The following FOXP1 variants were observed in gnomAD, a reference collection of about 807,000 sequenced individuals.
The protein encoded by FOXP1 is forkhead box P1, also known as forkhead box protein P1.
In FOXP1, 15 loss-of-function variants were observed where a neutral mutation model predicts 98.2. That is an observed-to-expected ratio of 0.15 (90% CI 0.10 to 0.24). FOXP1 has a LOEUF of 0.24. FOXP1 is among the 10% of genes least tolerant of loss of function. The probability of loss-of-function intolerance (pLI) is 1.00; values close to 1 mark genes in which losing one functional copy is unlikely to be tolerated. For missense variants in FOXP1, 633 were observed against 848.5 expected, an observed-to-expected ratio of 0.75 and a Z score of 3.15; for synonymous variants, 371 against 314.5, an observed-to-expected ratio of 1.18 and a Z score of -1.90.
At chr3:71,530,170 C>T (rs927495893) in intron 2 of FOXP1, among the ~76,000 whole-genome samples, 1 of 152,128 alleles carries the variant, frequency 6.6e-6, no homozygotes, top group Admixed American at 6.5e-5. Context: ...ATCTTAATCC[C>T]CAGTGCAACA....
At chr3:71,580,842 G>A (rs540889601) in intron 2 of FOXP1, 2 of 985,328 alleles carry the variant, frequency 2.0e-6, no homozygotes, top group East Asian at 2.3e-4. Flanking sequence ...TAGACGGTTT[G>A]AATGTACAGA....
intron 3 of FOXP1, among the ~76,000 whole-genome samples, chr3:71,430,194 G>A (rs1577457170): frequency 1.3e-5 from 2 of 152,178 alleles, no homozygotes; most frequent in African/African-American, 2.4e-5. Flanking sequence ...CCCATACCAC[G>A]GAAAGCCTGA....
chr3:71,074,123 T>G (rs1240414503), intron 7 of FOXP1, among the ~76,000 whole-genome samples: 1 of 152,214 alleles, frequency 6.6e-6, no homozygotes, highest in South Asian at 2.1e-4. Flanking sequence ...TGTGATGCAT[T>G]TGGCATTTCC....
At chr3:71,125,896 G>C (rs747332887) in intron 6 of FOXP1, among the ~76,000 whole-genome samples, 5 of 152,202 alleles carry the variant, frequency 3.3e-5, no homozygotes, top group Non-Finnish European at 7.3e-5. Flanking sequence ...TTCGCTAGCT[G>C]TGTGACCTGA....
Position 70,970,771 on chromosome 3 carries a change from G to T in FOXP1, c.1687C>A (p.His563Asn). The stretch of plus-strand genomic sequence containing the variant: ...GCATTGAGAGGTGTGCAGTAGGCGT[G>T]GCTGCTCTGCATGTTTTTAATAAGG... ...PSLIKNMQSSHAYCTPLNAAL... is the reference protein window; with the variant it reads ...PSLIKNMQSSNAYCTPLNAAL... Residue 563 changes from histidine to asparagine, a missense_variant, in exon 19 of 21, where the codon CAC becomes AAC. By Grantham distance (68) the His-to-Asn change is moderately conservative. This residue lies in a region of FOXP1 where 150 missense variants were observed against 163.7 expected (regional missense o/e 0.92). Transcript: ENST00000649528. 1 of 1,613,962 alleles carries T rather than the reference G, an allele frequency of 6.2e-7. No homozygotes were observed. The highest frequency in any genetic ancestry group is 8.5e-7 in the Non-Finnish European group (1 of 1,179,860).
intron 7 of FOXP1, among the ~76,000 whole-genome samples, chr3:71,112,110 T>C (rs1156977449): frequency 3.7e-4 from 1 of 2,728 alleles, no homozygotes; most frequent in Non-Finnish European, 5.9e-4. Context: ...TGTCTCCTGG[T>C]GGTGGGTGGG....
intron 7 of FOXP1, among the ~76,000 whole-genome samples, chr3:71,070,520 G>A (rs893586017): frequency 6.6e-6 from 1 of 152,186 alleles, no homozygotes; most frequent in Non-Finnish European, 1.5e-5. Flanking sequence ...AAAAACGGAA[G>A]AGAAAAAGCA....
intron 5 of FOXP1, among the ~76,000 whole-genome samples, chr3:71,246,673 A>G (rs2067771739): frequency 6.6e-6 from 1 of 152,234 alleles, no homozygotes; most frequent in Non-Finnish European, 1.5e-5. Flanking sequence ...CAAAAACTAA[A>G]GTTGAGCTAA....
At chr3:71,212,660 A>G (rs2064575526) in intron 5 of FOXP1, among the ~76,000 whole-genome samples, 1 of 152,196 alleles carries the variant, frequency 6.6e-6, no homozygotes, top group Admixed American at 6.5e-5. Context: ...TAACTACTAT[A>G]AGAACTATAA....
In FOXP1 at chr3:71,394,734, C is replaced by T. The variant is rs752665337; in HGVS notation, c.-167-35490G>A. Among the ~76,000 whole-genome samples the T allele has an allele frequency of 4.6e-5, 7 of 152,228 alleles. No homozygotes were observed. The East Asian group carries it at 1.2e-3, about 25-fold the overall frequency. On this transcript the variant is annotated intron_variant, in intron 3 of 20. Transcript: ENST00000649528. ...ACTCTGGAAAAACTAAATGGCTCGT[C>T]CCAAAACTGCTGGGATTTGTTTGGG...
intron 5 of FOXP1, among the ~76,000 whole-genome samples, chr3:71,241,502 A>G (rs1403149978): frequency 6.6e-6 from 1 of 152,186 alleles, no homozygotes; most frequent in Non-Finnish European, 1.5e-5. Flanking sequence ...TTAAAGGAAC[A>G]CTCAGCAAGA....
intron 3 of FOXP1, among the ~76,000 whole-genome samples, chr3:71,439,750 C>T (rs1024020831): frequency 1.3e-5 from 2 of 152,096 alleles, no homozygotes; most frequent in Non-Finnish European, 2.9e-5. Flanking sequence ...TTGAGACCAG[C>T]CTGGCCAACA....
In FOXP1 at chr3:71,198,256, C is replaced by T. The variant is rs762082081; in HGVS notation, c.126G>A (p.Pro42=). 4.0e-5 allele frequency: 64 copies of T among 1,614,028 alleles called. No individual in the cohort carries two copies. The South Asian group carries it at 5.9e-4, about 15-fold the overall frequency. ...GGTCAGCTGCCCCGATGTCCACGGC[C>T]GGCGTCTCTCCGTTGGACCGCCCCT... ...LREGRSNGET[P]AVDIGAADLA... is the part of the protein sequence containing the mutation. The change falls in exon 6 of 21, where the codon CCG becomes CCA. Residue 42 remains proline, a synonymous_variant. Transcript: ENST00000649528.
At chr3:71,256,668 C>T (rs1269498192) in intron 5 of FOXP1, among the ~76,000 whole-genome samples, 1 of 152,162 alleles carries the variant, frequency 6.6e-6, no homozygotes, top group East Asian at 1.9e-4. Flanking sequence ...AGGCGTGAGC[C>T]ACCGCGCCCG....
intron 4 of FOXP1, among the ~76,000 whole-genome samples, chr3:71,327,058 C>T (rs972217780): frequency 3.3e-5 from 5 of 152,042 alleles, no homozygotes; most frequent in African/African-American, 9.7e-5. Context: ...AACTGCACTG[C>T]CCATTCTAGA....
intron 5 of FOXP1, among the ~76,000 whole-genome samples, chr3:71,256,885 T>TG (rs149917214): frequency 0.026 from 3,990 of 152,292 alleles, 118 homozygotes; most frequent in Admixed American, 0.1. Flanking sequence ...TGCGACGAGC[T>TG]GGGGAAGATA....
chr3:71,276,720 C>G (rs969045517), intron 5 of FOXP1, among the ~76,000 whole-genome samples: 1 of 152,146 alleles, frequency 6.6e-6, no homozygotes, highest in Non-Finnish European at 1.5e-5. Flanking sequence ...ATGGGCACAT[C>G]TGTCATCTCA....
At chr3:71,224,550 A>C (rs1288340625) in intron 5 of FOXP1, among the ~76,000 whole-genome samples, 4 of 152,198 alleles carry the variant, frequency 2.6e-5, no homozygotes, top group Non-Finnish European at 5.9e-5. Flanking sequence ...GATCAAACGG[A>C]GGACTGGAAG....
At chr3:71,308,749 A>ATATGTGTGTGTGTG (rs1491268847) in intron 4 of FOXP1, among the ~76,000 whole-genome samples, 1 of 132,214 alleles carries the variant, frequency 7.6e-6, no homozygotes, top group East Asian at 2.5e-4. Flanking sequence ...TTCTACCACA[A>ATATGTGTGTGTGTG]TGTGTGTGTG....
Sources: gnomAD v4.1 joint callset for allele counts (sites outside exome capture counted in the v4.1 genomes callset) on GRCh38, gnomAD v4.1.1 for gene constraint, gnomAD v4.1.1 regional missense constraint, MANE v1.5 for transcripts, NCBI Gene and HGNC (gene_info 2026-07-23, HGNC 2026-07-21) for gene names.